The following DRICH1 variants were observed in gnomAD, a reference collection of about 807,000 sequenced individuals.
DRICH1 encodes the protein aspartate rich 1.
A neutral mutation model predicts 39.5 loss-of-function variants in DRICH1; 38 were observed. That is an observed-to-expected ratio of 0.96 (90% CI 0.74 to 1.26). DRICH1 has a LOEUF of 1.26. DRICH1 is among the 50% of genes most tolerant of loss of function. The probability of loss-of-function intolerance (pLI) is 0.00; values close to 1 mark genes in which losing one functional copy is unlikely to be tolerated. For missense variants in DRICH1, 279 were observed against 270.4 expected, an observed-to-expected ratio of 1.03 and a Z score of -0.22; for synonymous variants, 84 against 99.5, an observed-to-expected ratio of 0.84 and a Z score of 0.93.
chr22:23,628,324 T>C (rs1408699265), intron 1 of DRICH1, among the ~76,000 whole-genome samples: 2 of 152,218 alleles, frequency 1.3e-5, no homozygotes, highest in Admixed American at 6.5e-5. Flanking sequence ...CCTAGAACTT[T>C]GGGAGGCCGA....
At position 23,616,872 on chromosome 22, in the gene DRICH1, A is replaced by T. The variant is rs578048910; in HGVS notation, c.522T>A (p.Ile174=). 16 of 1,614,076 alleles carry T rather than the reference A, an allele frequency of 9.9e-6. No homozygotes were observed. The highest frequency in any genetic ancestry group is 1.3e-5 in the African/African-American group (1 of 75,052). Residue 174 remains isoleucine, a splice_region_variant and synonymous_variant, in exon 8 of 12, where the codon ATT becomes ATA. Coordinates refer to ENST00000317749, the MANE Select transcript of DRICH1 (RefSeq NM_016449.4). The stretch of plus-strand genomic sequence containing the variant: ...ACATACCCTGGACAGGTGACGGTAA[A>T]ATCTGCAATGAGATAAAAGAAGATG... ...DCDDDDDDAQ[I]LPSPVQACSE...
chr22:23,601,586 G>A, the DRICH1 span, among the ~76,000 whole-genome samples: 1 of 152,134 alleles, frequency 6.6e-6, no homozygotes, highest in East Asian at 1.9e-4. Flanking sequence ...GAGTGTTCCT[G>A]TGAAAGGGCA....
intron 5 of DRICH1, 107 bp downstream of exon 5, chr22:23,620,487 C>T (rs1927653556): frequency 2.4e-6 from 3 of 1,268,862 alleles, no homozygotes; most frequent in East Asian, 2.3e-5. Flanking sequence ...GAATCATTTG[C>T]TCTCACCACA....
intron 11 of DRICH1, 109 bp from the exon 12 acceptor site, chr22:23,608,877 C>T (rs1926879942): frequency 8.3e-7 from 1 of 1,200,316 alleles, no homozygotes; most frequent in East Asian, 2.5e-5. Flanking sequence ...GCTCCCGCCT[C>T]TGCAGTCCAG....
chr22:23,611,039 G>A (rs1927006621), intron 11 of DRICH1, among the ~76,000 whole-genome samples: 1 of 152,002 alleles, frequency 6.6e-6, no homozygotes, highest in Non-Finnish European at 1.5e-5. Context: ...CCTGAGCCAA[G>A]AGCTTCTCCT....
At position 23,619,643 on chromosome 22, in the gene DRICH1, A is replaced by C. The variant is rs115616663; in HGVS notation, c.407-250T>G. Among the ~76,000 whole-genome samples, 4,795 of 152,316 alleles carry C rather than the reference A, an allele frequency of 0.031. 240 individuals are homozygous for C. The highest frequency in any genetic ancestry group is 0.11 in the African/African-American group (4,515 of 41,540). On this transcript the variant is annotated intron_variant, in intron 5 of 11. Coordinates refer to ENST00000317749, the MANE Select transcript of DRICH1 (RefSeq NM_016449.4). ...TCAACAAAGTTGTCAAGAATACACA[A>C]TGGGGAAAGGAAAGCCTCTTCCACA...
At chr22:23,600,846 A>G in the DRICH1 span, among the ~76,000 whole-genome samples, 3 of 151,422 alleles carry the variant, frequency 2.0e-5, no homozygotes, top group African/African-American at 7.3e-5. Flanking sequence ...CTAATTTTTT[A>G]TATTTTTAGT....
chr22:23,581,796 G>A, the DRICH1 span, among the ~76,000 whole-genome samples: 2 of 151,506 alleles, frequency 1.3e-5, no homozygotes, highest in Non-Finnish European at 2.9e-5. Context: ...TAGTAGAGAT[G>A]GGGTTCACCA....
At chr22:23,587,294 G>C in the DRICH1 span, among the ~76,000 whole-genome samples, 1 of 152,184 alleles carries the variant, frequency 6.6e-6, no homozygotes, top group African/African-American at 2.4e-5. Flanking sequence ...CAAACAAGGA[G>C]GGAGTTACTG....
At chr22:23,594,264 G>A in the DRICH1 span, among the ~76,000 whole-genome samples, 1 of 151,858 alleles carries the variant, frequency 6.6e-6, no homozygotes, top group Non-Finnish European at 1.5e-5. Flanking sequence ...GAAAGCAGCA[G>A]CCAACAACAA....
chr22:23,597,695 AGGTAAGAT>A, the DRICH1 span, among the ~76,000 whole-genome samples: 1 of 149,610 alleles, frequency 6.7e-6, no homozygotes, highest in Non-Finnish European at 1.5e-5. Flanking sequence ...TGGAAGGGGT[AGGTAAGAT>A]CCCTTGAAGC....
the DRICH1 span, among the ~76,000 whole-genome samples, chr22:23,597,907 C>T: frequency 2.0e-5 from 3 of 151,844 alleles, no homozygotes; most frequent in South Asian, 4.2e-4. Flanking sequence ...TCCCTGGCCA[C>T]ATCTGTCTTG....
chr22:23,627,322 C>T, intron 1 of DRICH1, among the ~76,000 whole-genome samples: 1 of 152,234 alleles, frequency 6.6e-6, no homozygotes, highest in East Asian at 1.9e-4. Flanking sequence ...ATCCACTGGC[C>T]CTGGCCTCCC....
intron 11 of DRICH1, chr22:23,610,240 G>GA (rs1185630504): frequency 2.0e-5 from 3 of 152,306 alleles, no homozygotes; most frequent in African/African-American, 7.2e-5. Flanking sequence ...ACACTTCCAG[G>GA]AAATGAGGCC....
intron 11 of DRICH1, among the ~76,000 whole-genome samples, chr22:23,609,046 T>C (rs1486539465): frequency 6.6e-6 from 1 of 152,152 alleles, no homozygotes; most frequent in African/African-American, 2.4e-5. Context: ...GTTATCAGCT[T>C]CTGGGATTTA....
At chr22:23,628,848 C>T (rs1211374262) in intron 1 of DRICH1, among the ~76,000 whole-genome samples, 3 of 152,092 alleles carry the variant, frequency 2.0e-5, no homozygotes, top group Admixed American at 6.6e-5. Context: ...CGGCCATCAT[C>T]GCACAAAGAG....
intron 8 of DRICH1, among the ~76,000 whole-genome samples, chr22:23,614,573 C>T (rs759643792): frequency 6.6e-6 from 1 of 152,180 alleles, no homozygotes; most frequent in Non-Finnish European, 1.5e-5. Context: ...TGTGTCAGTA[C>T]ACTAGGATCT....
At chr22:23,620,955 T>C (rs1180074505) in intron 4 of DRICH1, among the ~76,000 whole-genome samples, 9 of 152,176 alleles carry the variant, frequency 5.9e-5, no homozygotes, top group African/African-American at 2.2e-4. Flanking sequence ...CATCCTAGTG[T>C]GTCATGTATT....
At chr22:23,632,592 C>T (rs1002443743), upstream of DRICH1, among the ~76,000 whole-genome samples, 2 of 151,990 alleles carry the variant, frequency 1.3e-5, no homozygotes, top group Non-Finnish European at 2.9e-5. Context: ...TGCGAGTCAC[C>T]CTTGGCAAGA....
Sources: allele counts gnomAD v4.1 joint callset (sites outside exome capture counted in the v4.1 genomes callset), GRCh38; gene constraint gnomAD v4.1.1; transcripts MANE v1.5; gene names NCBI Gene and HGNC (gene_info 2026-07-23, HGNC 2026-07-21).